Variants in ERAP2 observed in about 807,000 individuals in gnomAD.
ERAP2 encodes the protein leukocyte-derived arginine aminopeptidase.
ERAP2 carries 118 observed loss-of-function variants against 111.1 expected under a neutral mutation model. The observed-to-expected ratio is 1.06, with a 90% CI of 0.92 to 1.24. The LOEUF is 1.24. Among genes scored for constraint, ERAP2 ranks in the 50% most tolerant of loss-of-function variants. The probability of loss-of-function intolerance (pLI) is 0.00; values close to 1 mark genes in which losing one functional copy is unlikely to be tolerated. For missense variants in ERAP2, 1,131 were observed against 1,125.8 expected (o/e 1.00, Z -0.07); for synonymous variants, 410 against 401.2 (o/e 1.02, Z -0.26).
rs558826605 is a variant in ERAP2 at position 96,913,576 on chromosome 5, T to G, written c.2657+119T>G. 45 of 1,211,156 alleles carry G rather than the reference T, an allele frequency of 3.7e-5. 1 individual carries two copies. The Admixed American group carries it at 5.3e-4, about 14-fold the overall frequency. 75.0% of individuals were successfully genotyped at this position (1,211,156 alleles called of 1,614,324 possible). On this transcript the variant is annotated intron_variant, in intron 17 of 18. Coordinates refer to ENST00000437043, the MANE Select transcript of ERAP2 (RefSeq NM_022350.5). ...AATAATACCATTTGTATCCAAATAG[T>G]TCAGTGGAGTCAACTTTGAAACTCC...
intron 15 of ERAP2, chr5:96,909,993 C>A: frequency 2.4e-6 from 1 of 415,096 alleles, no homozygotes; most frequent in African/African-American, 2.0e-5. Context: ...TGGCTGGATG[C>A]AGTGGCCCAC....
chr5:96,881,516 T>C (rs777665960), intron 2 of ERAP2: 6 of 454,892 alleles, frequency 1.3e-5, no homozygotes, highest in African/African-American at 1.0e-4. Flanking sequence ...TCTCACGTTA[T>C]GTGAATTGTG....
At chr5:96,917,293 T>C (rs918431647) in intron 18 of ERAP2, among the ~76,000 whole-genome samples, 169 bp from the exon 19 acceptor site, 3 of 152,022 alleles carry the variant, frequency 2.0e-5, no homozygotes, top group Non-Finnish European at 4.4e-5. Context: ...TTGTTGTTGT[T>C]ATTTTTTGTA....
intron 2 of ERAP2, chr5:96,881,206 A>G (rs1783091494): frequency 2.9e-6 from 1 of 347,680 alleles, no homozygotes; most frequent in Non-Finnish European, 5.7e-6. Context: ...TTTATGCTTT[A>G]TAAAGATCAA....
intron 13 of ERAP2, 57 bp downstream of exon 13, chr5:96,903,617 C>T: frequency 6.9e-7 from 1 of 1,444,240 alleles, no homozygotes; most frequent in Non-Finnish European, 9.4e-7. Flanking sequence ...ACCAGATATG[C>T]TAGACTTCAA....
chr5:96,889,231 C>CTTT lies in ERAP2; in HGVS notation c.897_899dup (p.Ala299_Leu300insPhe), dbSNP rs746025214. 6 of 1,614,040 alleles carry CTTT rather than the reference C, an allele frequency of 3.7e-6. No individual in the cohort carries two copies. The highest frequency in any genetic ancestry group is 5.1e-6 in the Non-Finnish European group (6 of 1,179,880). On this transcript the variant is annotated inframe_insertion, in exon 5 of 19. Transcript: ENST00000437043. The stretch of plus-strand genomic sequence containing the variant: ...GACAAACGGAATCAAACACATTATG[C>CTTT]TTTGCAGGCATCACTGAAGCTACTT...
intron 1 of ERAP2, among the ~76,000 whole-genome samples, chr5:96,879,341 T>C (rs922157673): frequency 6.6e-5 from 10 of 152,240 alleles, no homozygotes; most frequent in Non-Finnish European, 1.3e-4. Flanking sequence ...AGAAATTCAT[T>C]ACATTCAATT....
intron 12 of ERAP2, among the ~76,000 whole-genome samples, chr5:96,903,065 G>T (rs1785651890): frequency 6.6e-6 from 1 of 152,126 alleles, no homozygotes; most frequent in Non-Finnish European, 1.5e-5. Flanking sequence ...ATCAAATTAA[G>T]CCAAATTCCC....
intron 2 of ERAP2, chr5:96,880,802 A>G (rs1403533051): frequency 6.2e-6 from 1 of 162,556 alleles, no homozygotes; most frequent in Non-Finnish European, 1.4e-5. Context: ...CTGAATGTAT[A>G]ATGGTGGGAT....
At position 96,879,983 on chromosome 5, in the gene ERAP2, T is replaced by G; in HGVS notation, c.298T>G (p.Leu100Val). ...TGTTGCATCTGAGAAGATCGAAGTC[T>G]TGGTCAGCAATGCTACCCAGTTTAT... ...DFVASEKIEV[L>V]VSNATQFIIL... The change falls in exon 2 of 19, where the codon TTG (leucine) becomes GTG (valine). Residue 100 changes from leucine (L) to valine (V), a missense_variant. By Grantham distance (32) the Leu-to-Val change is conservative. Transcript: ENST00000437043. 5 of 1,614,190 alleles carry G rather than the reference T, an allele frequency of 3.1e-6. No homozygotes were observed. The highest frequency in any genetic ancestry group is 4.2e-6 in the Non-Finnish European group (5 of 1,180,024).
chr5:96,878,990 AAC>A (rs1181236687), intron 1 of ERAP2, among the ~76,000 whole-genome samples: 1 of 152,094 alleles, frequency 6.6e-6, no homozygotes, highest in Non-Finnish European at 1.5e-5. Flanking sequence ...TTGTAATCCC[AAC>A]AGTTTGGGAG....
intron 5 of ERAP2, chr5:96,889,508 T>C (rs955581820): frequency 4.2e-6 from 3 of 706,114 alleles, no homozygotes; most frequent in South Asian, 3.3e-5. Context: ...GGATCATTTC[T>C]CTATTCTTTT....
intron 15 of ERAP2, among the ~76,000 whole-genome samples, chr5:96,912,115 C>CG (rs536377870): frequency 2.1e-5 from 3 of 145,008 alleles, no homozygotes; most frequent in African/African-American, 5.1e-5. Flanking sequence ...GTGTGAACCC[C>CG]GGGGGGCGGA....
intron 13 of ERAP2, among the ~76,000 whole-genome samples, chr5:96,907,573 A>AT (rs11440213): frequency 0.12 from 18,106 of 148,224 alleles, 1,171 homozygotes; most frequent in Middle Eastern, 0.2. Flanking sequence ...CATTTTGTGG[A>AT]TTTTTTTTTT....
intron 12 of ERAP2, 79 bp downstream of exon 12, chr5:96,902,432 T>C (rs1785575901): frequency 3.7e-6 from 3 of 806,472 alleles, no homozygotes; most frequent in Admixed American, 4.2e-5. Context: ...AACGATACAA[T>C]AAGTAAATCT....
chr5:96,896,461 C>G lies in ERAP2; in HGVS notation c.1328C>G (p.Pro443Arg). ...SRPISKPAET[P>R]TQIQEMFDEV... Reference sequence around the variant, plus strand: ...CCTATCTCCAAACCAGCGGAAACCCCGACTCAAATACAGGAAATGTTTGAT... The same window carrying G: ...CCTATCTCCAAACCAGCGGAAACCCGGACTCAAATACAGGAAATGTTTGAT... Residue 443 changes from proline (P) to arginine (R), a missense_variant, in exon 8 of 19, where the codon CCG becomes CGG. By Grantham distance (103) the Pro-to-Arg change is moderately radical. Coordinates refer to ENST00000437043, the MANE Select transcript of ERAP2 (RefSeq NM_022350.5). 1 of 1,613,490 alleles carries G rather than the reference C, an allele frequency of 6.2e-7. No homozygotes were observed. The highest frequency in any genetic ancestry group is 8.5e-7 in the Non-Finnish European group (1 of 1,179,658).
intron 10 of ERAP2, 37 bp from the exon 11 acceptor site, chr5:96,901,469 C>T (rs1785452568): frequency 3.1e-6 from 5 of 1,601,286 alleles, no homozygotes; most frequent in Non-Finnish European, 4.3e-6. Context: ...GGATTGTCTC[C>T]TCTCTCTTGA....
chr5:96,890,799 C>G (rs1784266130), intron 5 of ERAP2, among the ~76,000 whole-genome samples: 1 of 152,100 alleles, frequency 6.6e-6, no homozygotes, highest in Non-Finnish European at 1.5e-5. Flanking sequence ...TCTATATACT[C>G]TTTAGTACAG....
intron 11 of ERAP2, among the ~76,000 whole-genome samples, 159 bp downstream of exon 11, chr5:96,901,840 T>A (rs1293028484): frequency 1.3e-5 from 2 of 152,228 alleles, no homozygotes; most frequent in Non-Finnish European, 2.9e-5. Context: ...GAGCTTCATA[T>A]AACCCGGACT....
Sources: allele counts gnomAD v4.1 joint callset (sites outside exome capture counted in the v4.1 genomes callset), GRCh38; gene constraint gnomAD v4.1.1; transcripts MANE v1.5; gene names NCBI Gene and HGNC (gene_info 2026-07-23, HGNC 2026-07-21).